The following TSC22D1 variants were observed in gnomAD, a reference collection of about 807,000 sequenced individuals.
TSC22D1 encodes TSC22 domain family protein 1.
TSC22D1 carries 9 observed loss-of-function variants against 74.2 expected under a neutral mutation model. That is an observed-to-expected ratio of 0.12 (90% CI 0.07 to 0.21). The LOEUF (loss-of-function observed/expected upper bound fraction) is 0.21. Among genes scored for constraint, TSC22D1 ranks in the 10% least tolerant of loss-of-function variants. The probability of loss-of-function intolerance (pLI) is 1.00; values close to 1 mark genes in which losing one functional copy is unlikely to be tolerated. For missense variants in TSC22D1, 1,427 were observed against 1,304.7 expected, an observed-to-expected ratio of 1.09 and a Z score of -1.44; for synonymous variants, 586 against 492.5, an observed-to-expected ratio of 1.19 and a Z score of -2.51.
chr13:44,491,238 G>A (rs1173688408), intron 1 of TSC22D1, among the ~76,000 whole-genome samples: 2 of 151,796 alleles, frequency 1.3e-5, no homozygotes, highest in Non-Finnish European at 1.5e-5. Context: ...CAATAATGTC[G>A]ACAATATATG....
Position 44,434,893 on chromosome 13 carries a change from A to C in TSC22D1, c.2965-10T>G, listed in dbSNP as rs1356062107. On this transcript the variant is annotated splice_polypyrimidine_tract_variant and intron_variant, in intron 2 of 2. Coordinates refer to ENST00000458659, the MANE Select transcript of TSC22D1 (RefSeq NM_183422.4). ...GGCTTTTCACTAGATCCTGGAAAGA[A>C]GACAGAAAAGGTTTAACTCATTATT... 5 of 1,605,612 alleles carry C rather than the reference A, an allele frequency of 3.1e-6. No individual in the cohort carries two copies. The highest frequency in any genetic ancestry group is 1.3e-5 in the African/African-American group (1 of 74,540).
Position 44,575,850 on chromosome 13 carries a change from C to G in TSC22D1, c.225G>C (p.Ser75=), listed in dbSNP as rs1332668281. Residue 75 remains serine, a synonymous_variant, in exon 1 of 3, where the codon TCG becomes TCC. Coordinates refer to ENST00000458659, the MANE Select transcript of TSC22D1 (RefSeq NM_183422.4). ...QPPPPAASST[S]GPQPPPPQSL... is the part of the protein sequence containing the mutation. ...TTTGTGGAGGCGGAGGCTGTGGTCCCGACGTAGAAGATGCTGCAGGGGGCG... is the reference window on the plus strand; with the variant it reads ...TTTGTGGAGGCGGAGGCTGTGGTCCGGACGTAGAAGATGCTGCAGGGGGCG... 10 of 1,613,960 alleles carry G rather than the reference C, an allele frequency of 6.2e-6. No homozygotes were observed. Among genetic ancestry groups the G allele is most frequent in the Non-Finnish European group, 8.5e-6 (10 of 1,179,972 alleles).
At chr13:44,556,580 T>G (rs1477720816) in intron 1 of TSC22D1, among the ~76,000 whole-genome samples, 1 of 151,990 alleles carries the variant, frequency 6.6e-6, no homozygotes, top group African/African-American at 2.4e-5. Context: ...TAAAAAATTT[T>G]TGTAGCCAGG....
At chr13:44,498,328 A>G (rs1394856908) in intron 1 of TSC22D1, among the ~76,000 whole-genome samples, 1 of 149,276 alleles carries the variant, frequency 6.7e-6, no homozygotes, top group African/African-American at 2.5e-5. Flanking sequence ...ACAAAACCAA[A>G]AACAAAAACA....
chr13:44,445,032 C>A (rs990214285), intron 1 of TSC22D1, among the ~76,000 whole-genome samples: 4 of 151,966 alleles, frequency 2.6e-5, no homozygotes, highest in Non-Finnish European at 4.4e-5. Flanking sequence ...TCCAGAGAGA[C>A]AGAAAATTTT....
At chr13:44,554,630 CA>C (rs59922380) in intron 1 of TSC22D1, among the ~76,000 whole-genome samples, 2,257 of 68,478 alleles carry the variant, frequency 0.033, 21 homozygotes, top group African/African-American at 0.085. Flanking sequence ...ATACCAGGAA[CA>C]AAAAAAAAAA....
At chr13:44,503,992 T>C (rs939780931) in intron 1 of TSC22D1, among the ~76,000 whole-genome samples, 2 of 152,128 alleles carry the variant, frequency 1.3e-5, no homozygotes, top group Non-Finnish European at 2.9e-5. Flanking sequence ...CTCTGAAATA[T>C]GCAAGACTAT....
chr13:44,560,905 C>T (rs917989460), intron 1 of TSC22D1, among the ~76,000 whole-genome samples: 1 of 152,294 alleles, frequency 6.6e-6, no homozygotes, highest in Admixed American at 6.5e-5. Flanking sequence ...CTATAAATTG[C>T]TAACTTTCCT....
At chr13:44,519,449 A>G (rs1234194758) in intron 1 of TSC22D1, among the ~76,000 whole-genome samples, 1 of 152,152 alleles carries the variant, frequency 6.6e-6, no homozygotes, top group East Asian at 1.9e-4. Flanking sequence ...AGTATACAAA[A>G]TGGAGTATAC....
At position 44,444,278 on chromosome 13, in the gene TSC22D1, CAAAAAAAAAAAAA is replaced by C. The variant is rs71070905; in HGVS notation, c.2913-8196_2913-8184del. On this transcript the variant is annotated intron_variant, in intron 1 of 2. Transcript: ENST00000458659. Reference sequence around the variant, plus strand: ...TGGGGAACAGAGCAAGACTCTGTCTCAAAAAAAAAAAAAAAAAAAAAAAAAAAAAAGAAAAGAA... The same window carrying C: ...TGGGGAACAGAGCAAGACTCTGTCTCAAAAAAAAAAAAAAAAAGAAAAGAA... Among the ~76,000 whole-genome samples the C allele has an allele frequency of 2.6e-3, 46 of 17,588 alleles. 1 individual carries two copies. The highest frequency in any genetic ancestry group is 0.05 in the Middle Eastern group (1 of 20). 11.5% of individuals were successfully genotyped at this position (17,588 alleles called of 152,430 possible).
At chr13:44,534,668 T>G (rs973287304) in intron 1 of TSC22D1, among the ~76,000 whole-genome samples, 1 of 152,140 alleles carries the variant, frequency 6.6e-6, no homozygotes, top group African/African-American at 2.4e-5. Flanking sequence ...CAGGCAACAA[T>G]ATTATTTCTT....
At chr13:44,570,445 G>C (rs1348953349) in intron 1 of TSC22D1, among the ~76,000 whole-genome samples, 1 of 152,082 alleles carries the variant, frequency 6.6e-6, no homozygotes, top group Non-Finnish European at 1.5e-5. Context: ...GCCCACCTCA[G>C]CCTCCCAAAG....
chr13:44,499,574 T>C (rs1046593364), intron 1 of TSC22D1, among the ~76,000 whole-genome samples: 1 of 152,136 alleles, frequency 6.6e-6, no homozygotes, highest in Non-Finnish European at 1.5e-5. Flanking sequence ...AACTATAAAC[T>C]TTCTTAGAAT....
intron 1 of TSC22D1, among the ~76,000 whole-genome samples, chr13:44,454,328 T>C (rs1193607098): frequency 6.6e-6 from 1 of 152,220 alleles, no homozygotes; most frequent in African/African-American, 2.4e-5. Flanking sequence ...TGAGGTATGC[T>C]TGGAACAGAA....
At chr13:44,464,837 C>A (rs9525956) in intron 1 of TSC22D1, among the ~76,000 whole-genome samples, 1 of 152,224 alleles carries the variant, frequency 6.6e-6, no homozygotes. Flanking sequence ...CCCAACCTTA[C>A]TGCAGCGCCC....
chr13:44,471,714 T>C (rs545201338), intron 1 of TSC22D1, among the ~76,000 whole-genome samples: 10 of 152,318 alleles, frequency 6.6e-5, no homozygotes, highest in African/African-American at 2.4e-4. Flanking sequence ...TTTAGAAAAT[T>C]GTTAAGTGAT....
At chr13:44,455,453 TGG>T (rs1876508413) in intron 1 of TSC22D1, among the ~76,000 whole-genome samples, 1 of 152,258 alleles carries the variant, frequency 6.6e-6, no homozygotes, top group Non-Finnish European at 1.5e-5. Flanking sequence ...ACCATCATTA[TGG>T]TACACGGTGC....
At chr13:44,480,959 T>C (rs1193598429) in intron 1 of TSC22D1, among the ~76,000 whole-genome samples, 1 of 152,050 alleles carries the variant, frequency 6.6e-6, no homozygotes, top group African/African-American at 2.4e-5. Flanking sequence ...ATAAATTGGG[T>C]CGCTGGAGTA....
At position 44,442,903 on chromosome 13, in the gene TSC22D1, C is replaced by T. The variant is rs141406495; in HGVS notation, c.2913-6808G>A. On this transcript the variant is annotated intron_variant, in intron 1 of 2. Transcript: ENST00000458659. ...CAGCCTGGGCCACAGAGCCACAGAG[C>T]GAGACTCTGTCAAAAAAAAAAAAAA... Among the ~76,000 whole-genome samples, 646 of 102,970 alleles carry T rather than the reference C, an allele frequency of 6.3e-3. 9 individuals carry two copies. The highest frequency in any genetic ancestry group is 0.025 in the Middle Eastern group (3 of 120). The allele number at this position is 102,970 out of a possible 152,430, so 67.6% of individuals were successfully genotyped here.
Sources: gnomAD v4.1 joint callset for allele counts (sites outside exome capture counted in the v4.1 genomes callset) on GRCh38, gnomAD v4.1.1 for gene constraint, MANE v1.5 for transcripts, NCBI Gene and HGNC (gene_info 2026-07-23, HGNC 2026-07-21) for gene names.